ABCC8: variants seen among roughly 807,000 people sequenced by gnomAD.
ABCC8 encodes ATP-binding cassette sub-family C member 8.
Under a neutral mutation model 188.0 loss-of-function variants are expected in ABCC8, and 137 were observed. The ratio of observed to expected loss-of-function variants is 0.73; its 90% CI spans 0.63 to 0.84. ABCC8 has a LOEUF of 0.84. Ranked by LOEUF, ABCC8 falls within the 40% of genes least tolerant of loss-of-function variation. ABCC8 has a pLI of 0.00. For synonymous variants in ABCC8, 797 were observed against 846.5 expected (o/e 0.94, Z 1.01); for missense variants, 1,750 against 2,072.7 (o/e 0.84, Z 3.02).
In ABCC8 at chr11:17,392,925, G is replaced by C; in HGVS notation, c.*66C>G. On this transcript the variant is annotated 3_prime_UTR_variant, in exon 39 of 39. Transcript: ENST00000389817. The stretch of plus-strand genomic sequence containing the variant: ...TCTATTTATTTACAAGTGATTTACA[G>C]TTAGAAAACCCAGGCAGGGGTATGG... The C allele has an allele frequency of 1.9e-6, 3 of 1,542,530 alleles. No homozygotes were observed. Among genetic ancestry groups the C allele is most frequent in the Non-Finnish European group, 2.7e-6 (3 of 1,117,362 alleles).
chr11:17,416,919 C>G lies in ABCC8; in HGVS notation c.2255+11G>C. Reference sequence around the variant, plus strand: ...TTGAGACCCACTTCTGACCCAGTCCCAAGGCTGTACCTGGGGTCCTCTCCT... The same window carrying G: ...TTGAGACCCACTTCTGACCCAGTCCGAAGGCTGTACCTGGGGTCCTCTCCT... On this transcript the variant is annotated intron_variant, in intron 17 of 38. Transcript: ENST00000389817. The G allele has an allele frequency of 6.2e-7, 1 of 1,614,004 alleles. No homozygotes were observed. The highest frequency in any genetic ancestry group is 1.1e-5 in the South Asian group (1 of 91,074).
intron 7 of ABCC8, among the ~76,000 whole-genome samples, chr11:17,450,245 T>C (rs962110259): frequency 4.1e-5 from 2 of 48,568 alleles, no homozygotes; most frequent in African/African-American, 1.6e-4. Flanking sequence ...TTCTTTTCTT[T>C]TTCTTTCTTT....
Position 17,404,862 on chromosome 11 carries a change from A to T in ABCC8, c.3400-193T>A. On this transcript the variant is annotated intron_variant, in intron 27 of 38. Transcript: ENST00000389817. This position sits in a 1 kb window ranked among gnomAD's most constrained non-coding sequence, Gnocchi z 4.7. ...CGGCAGCCTCTGCCCCTTGGGTTCA[A>T]ATGATTCTCCTGCCTCAGCTTCCCA... The T allele has an allele frequency of 2.5e-6, 1 of 402,022 alleles. No homozygotes were observed. Among genetic ancestry groups the T allele is most frequent in the Non-Finnish European group, 3.4e-6 (1 of 296,614 alleles). 24.9% of individuals were successfully genotyped at this position (402,022 alleles called of 1,614,324 possible).
At chr11:17,451,821 C>T (rs1363812551) in intron 7 of ABCC8, among the ~76,000 whole-genome samples, 1 of 152,200 alleles carries the variant, frequency 6.6e-6, no homozygotes, top group Non-Finnish European at 1.5e-5. Context: ...GGCCATTTGG[C>T]CACTTTCTCA....
At chr11:17,462,000 A>C (rs746782042) in intron 4 of ABCC8, 175 bp from the exon 5 acceptor site, 1 of 727,022 alleles carries the variant, frequency 1.4e-6, no homozygotes, top group East Asian at 1.3e-4. Context: ...CTTGGCCACC[A>C]ATGTCAGGGC....
chr11:17,413,306 TAGTTACCCATTGTCCTGA>T, intron 20 of ABCC8, 70 bp downstream of exon 20: 1 of 1,555,656 alleles, frequency 6.4e-7, no homozygotes, highest in Non-Finnish European at 8.9e-7. Context: ...TCCTATTTCC[TAGTTACCCATTGTCCTGA>T]GTAGTGTCTC....
Position 17,404,467 on chromosome 11 carries a change from G to A in ABCC8, c.3557+45C>T. On this transcript the variant is annotated intron_variant, in intron 28 of 38. Transcript: ENST00000389817. The surrounding 1 kb of genome is among the most constrained non-coding windows in gnomAD (Gnocchi z 4.7). ...ATGAGTCTAGCAAGTACACCAAACTGCACATTGCAAAGCACCTCCCACCCC... is the reference window on the plus strand; with the variant it reads ...ATGAGTCTAGCAAGTACACCAAACTACACATTGCAAAGCACCTCCCACCCC... 6.4e-7 allele frequency: 1 copy of A among 1,561,122 alleles called. No individual in the cohort carries two copies.
At chr11:17,414,050 G>A (rs1011399421) in intron 19 of ABCC8, among the ~76,000 whole-genome samples, 2 of 152,192 alleles carry the variant, frequency 1.3e-5, no homozygotes, top group African/African-American at 4.8e-5. Context: ...TTCTTCATCT[G>A]TAGAGTGGGA....
At chr11:17,446,390 C>CA (rs1333040906) in intron 8 of ABCC8, among the ~76,000 whole-genome samples, 2 of 152,046 alleles carry the variant, frequency 1.3e-5, no homozygotes, top group African/African-American at 4.8e-5. Context: ...CCTCACAGCC[C>CA]AAAGTGTTAA....
At chr11:17,414,370 TG>T in intron 19 of ABCC8, 141 bp downstream of exon 19, 1 of 1,198,370 alleles carries the variant, frequency 8.3e-7, no homozygotes, top group Non-Finnish European at 1.2e-6. Flanking sequence ...GTGCACCATA[TG>T]GAGAGGCTGG....
At chr11:17,436,649 T>G (rs759226161) in intron 10 of ABCC8, among the ~76,000 whole-genome samples, 5 of 152,230 alleles carry the variant, frequency 3.3e-5, no homozygotes, top group Admixed American at 1.3e-4. Flanking sequence ...AACCTTCTTC[T>G]TGTGTAAGTG....
At chr11:17,446,212 A>C (rs1027247907) in intron 8 of ABCC8, among the ~76,000 whole-genome samples, 1 of 152,004 alleles carries the variant, frequency 6.6e-6, no homozygotes, top group Non-Finnish European at 1.5e-5. Flanking sequence ...GTGAACCATC[A>C]GCCTCAGCCT....
chr11:17,397,221 G>A lies in ABCC8; in HGVS notation c.3960C>T (p.Thr1320=), dbSNP rs137868047. 2.2e-5 allele frequency: 35 copies of A among 1,613,602 alleles called. No homozygotes were observed. Among genetic ancestry groups the A allele is most frequent in the South Asian group, 1.1e-4 (10 of 91,080 alleles). The change falls in exon 32 of 39, where the codon ACC becomes ACT. Residue 1320 remains threonine (T), a synonymous_variant. Coordinates refer to ENST00000389817, the MANE Select transcript of ABCC8 (RefSeq NM_000352.6). The part of the protein sequence containing the change: ...AVKRIHGLLK[T]EAESYEGLLA... ...GGAGCCCCTCGTAGCTCTCTGCCTC[G>A]GTTTTCAGGAGCCCATGGATGCGCT... is the stretch of plus-strand genomic sequence containing the variant.
chr11:17,393,791 C>A (rs1216021612), intron 37 of ABCC8, 32 bp from the exon 38 acceptor site: 1 of 1,614,064 alleles, frequency 6.2e-7, no homozygotes, highest in South Asian at 1.1e-5. Context: ...TGTTGGCTCA[C>A]CTGCCCAGTG....
intron 3 of ABCC8, 40 bp downstream of exon 3, chr11:17,470,061 T>G: frequency 6.2e-7 from 1 of 1,606,008 alleles, no homozygotes; most frequent in Non-Finnish European, 8.5e-7. Flanking sequence ...TCTGAAGAAA[T>G]GAATGAAGGT....
At chr11:17,398,463 C>A (rs1954059484) in intron 29 of ABCC8, 22 bp from the exon 30 acceptor site, 1 of 1,613,504 alleles carries the variant, frequency 6.2e-7, no homozygotes, top group Non-Finnish European at 8.5e-7. Flanking sequence ...ATGAGAAGCT[C>A]CTAAGGGAAC....
At chr11:17,428,017 C>T (rs1955664434) in intron 14 of ABCC8, 75 bp from the exon 15 acceptor site, 21 of 1,588,484 alleles carry the variant, frequency 1.3e-5, no homozygotes, top group Non-Finnish European at 1.5e-5. Flanking sequence ...CTCTGGCTTC[C>T]CCTCCTCCAT....
chr11:17,464,838 G>A (rs759097334), intron 3 of ABCC8, among the ~76,000 whole-genome samples: 74 of 152,292 alleles, frequency 4.9e-4, no homozygotes, highest in African/African-American at 1.8e-3. Context: ...GACCAGATGC[G>A]GATAAGGTCA....
chr11:17,397,498 C>G, intron 31 of ABCC8, 185 bp from the exon 32 acceptor site: 1 of 1,423,114 alleles, frequency 7.0e-7, no homozygotes, highest in Admixed American at 2.0e-5. Flanking sequence ...GCTCCCCAAC[C>G]TCCACCTGTC....
Sources: gnomAD v4.1 joint callset for allele counts (sites outside exome capture counted in the v4.1 genomes callset) on GRCh38, gnomAD v4.1.1 for gene constraint, Gnocchi (gnomAD v3.1) non-coding constraint, MANE v1.5 for transcripts, NCBI Gene and HGNC (gene_info 2026-07-23, HGNC 2026-07-21) for gene names.